Variants in C1QTNF5 observed in about 807,000 individuals in gnomAD.
The protein encoded by C1QTNF5 is C1q and TNF related 5.
In C1QTNF5, 5 loss-of-function variants were observed where a neutral mutation model predicts 10.9. The ratio of observed to expected loss-of-function variants is 0.46; its 90% confidence interval spans 0.24 to 0.97. C1QTNF5 has a LOEUF of 0.97. C1QTNF5 is among the 50% of genes least tolerant of loss of function. The probability of loss-of-function intolerance (pLI) is 0.19; values close to 1 mark genes in which losing one functional copy is unlikely to be tolerated. For missense variants in C1QTNF5, 281 were observed against 339.4 expected (o/e 0.83, Z 1.35); for synonymous variants, 161 against 156.5 (o/e 1.03, Z -0.22).
chr11:119,344,214 A>G, upstream of C1QTNF5: 1 of 1,178,314 alleles, frequency 8.5e-7, no homozygotes, highest in Non-Finnish European at 1.3e-6. Context: ...GACCTTCCCA[A>G]GTAGAAGGTA....
At chr11:119,342,486 T>G, upstream of C1QTNF5, 14 of 1,435,996 alleles carry the variant, frequency 9.7e-6, no homozygotes, top group South Asian at 1.6e-4. Flanking sequence ...TGAGGCCAGC[T>G]GGCCCCGCCC....
At chr11:119,343,125 C>T (rs2135369719), upstream of C1QTNF5, 5 of 1,258,882 alleles carry the variant, frequency 4.0e-6, no homozygotes, top group South Asian at 5.2e-5. Flanking sequence ...ATGGAAGACA[C>T]AGGGTTAGGG....
At chr11:119,345,577 C>G (rs1950555571), upstream of C1QTNF5, 2 of 1,613,766 alleles carry the variant, frequency 1.2e-6, no homozygotes, top group Non-Finnish European at 8.5e-7. Flanking sequence ...GGGTAAGGGT[C>G]TGGGTAGTTA....
At chr11:119,346,447 A>G in the C1QTNF5 span, 3 of 1,613,948 alleles carry the variant, frequency 1.9e-6, no homozygotes, top group South Asian at 1.1e-5. Context: ...GCACGATTCT[A>G]TGTGGTCCTT....
upstream of C1QTNF5, chr11:119,342,682 T>G (rs1950514605): frequency 6.2e-7 from 1 of 1,613,642 alleles, no homozygotes; most frequent in Non-Finnish European, 8.5e-7. Context: ...CTGCACACCC[T>G]TACACCCTCC....
upstream of C1QTNF5, chr11:119,341,980 C>T (rs1950507527): frequency 6.2e-7 from 1 of 1,613,628 alleles, no homozygotes; most frequent in Admixed American, 1.7e-5. Context: ...GCTCACAGGC[C>T]AGCTCTGCAG....
At chr11:119,343,774 G>A (rs1404422341), upstream of C1QTNF5, 3 of 1,612,862 alleles carry the variant, frequency 1.9e-6, no homozygotes, top group Non-Finnish European at 2.5e-6. Flanking sequence ...GTGGCAGACA[G>A]TGAGGATGGA....
chr11:119,343,387 T>A (rs1279199162), upstream of C1QTNF5, among the ~76,000 whole-genome samples: 1 of 152,210 alleles, frequency 6.6e-6, no homozygotes, highest in Non-Finnish European at 1.5e-5. Flanking sequence ...CGTGGTGGCA[T>A]GTGCCTGTGA....
chr11:119,346,015 C>A, the C1QTNF5 span: 3 of 1,612,886 alleles, frequency 1.9e-6, no homozygotes, highest in Admixed American at 3.3e-5. Context: ...CATTCCAAAG[C>A]CCTCGTTTCA....
chr11:119,339,341 A>G lies in C1QTNF5; in HGVS notation c.722T>C (p.Val241Ala), dbSNP rs1385544392. The G allele has an allele frequency of 6.2e-7, 1 of 1,612,846 alleles. No individual in the cohort carries two copies. ...LVYSDWHSSP[V>A]FA ...ACTTTGCAGTGGGCACTAAGCAAAGACTGGGGAGCTGTGCCAGTCGGAGTA... is the reference window on the plus strand; with the variant it reads ...ACTTTGCAGTGGGCACTAAGCAAAGGCTGGGGAGCTGTGCCAGTCGGAGTA... The change falls in exon 3 of 3, where the codon GTC (valine) becomes GCC (alanine). Residue 241 changes from valine to alanine, a missense_variant. Physicochemically the swap from Val to Ala is moderately conservative, Grantham distance 64 (BLOSUM62 0). Transcript: ENST00000528368. This position sits in a 1 kb window ranked among gnomAD's most constrained non-coding sequence, Gnocchi z 5.4.
chr11:119,343,705 G>A (rs558132871), upstream of C1QTNF5: 211 of 1,375,360 alleles, frequency 1.5e-4, no homozygotes, highest in African/African-American at 2.0e-3. Flanking sequence ...CCGGCCTGGA[G>A]TAGCAGAAGA....
upstream of C1QTNF5, chr11:119,344,493 G>T: frequency 2.6e-6 from 4 of 1,568,562 alleles, no homozygotes; most frequent in Non-Finnish European, 2.6e-6. Context: ...ATGCCCATGG[G>T]AAACAAGTTC....
At chr11:119,345,936 C>T (rs1292498545), upstream of C1QTNF5, 17 of 1,613,644 alleles carry the variant, frequency 1.1e-5, no homozygotes, top group East Asian at 2.2e-5. Context: ...GCTCTGGAGG[C>T]GAGAAGATGG....
chr11:119,343,891 G>A (rs1330332243), upstream of C1QTNF5: 1 of 1,613,922 alleles, frequency 6.2e-7, no homozygotes, highest in Admixed American at 1.7e-5. Flanking sequence ...CTCGTCCTGA[G>A]CCTCCAGGCT....
intron 2 of C1QTNF5, among the ~76,000 whole-genome samples, 165 bp from the exon 3 acceptor site, chr11:119,340,013 G>A (rs1410935702): frequency 6.6e-6 from 1 of 152,196 alleles, no homozygotes; most frequent in Non-Finnish European, 1.5e-5. Context: ...GCAGATCTGG[G>A]GGGCTGGCCA....
At position 119,339,845 on chromosome 11, in the gene C1QTNF5, A is replaced by T; in HGVS notation, c.218T>A (p.Leu73Gln). The T allele has an allele frequency of 4.0e-6, 6 of 1,482,244 alleles. No homozygotes were observed. Among genetic ancestry groups the T allele is most frequent in the Non-Finnish European group, 4.4e-6 (5 of 1,124,198 alleles). 91.8% of individuals were successfully genotyped at this position (1,482,244 alleles called of 1,614,324 possible). A position where few individuals can be genotyped will look rare whatever the true frequency, so the allele number is the denominator to read the frequency against. ...GEKGEGGRPG[L>Q]PGPRGDPGPR... ...CCCGGGGTCCCCTCGAGGTCCCGGCAGTCCTGCGGGGTAAGCGGGGCGGCA... is the reference window on the plus strand; with the variant it reads ...CCCGGGGTCCCCTCGAGGTCCCGGCTGTCCTGCGGGGTAAGCGGGGCGGCA... Residue 73 changes from leucine (L) to glutamine (Q), a missense_variant, in exon 3 of 3, where the codon CTG (leucine) becomes CAG (glutamine). Leu to Gln is a moderately radical substitution (Grantham distance 113). Coordinates refer to ENST00000528368, the MANE Select transcript of C1QTNF5 (RefSeq NM_001278431.2). The surrounding 1 kb of genome is among the most constrained non-coding windows in gnomAD (Gnocchi z 5.4).
chr11:119,340,186 G>T lies in C1QTNF5; in HGVS notation c.212C>A (p.Pro71Gln), dbSNP rs554735772. The T allele has an allele frequency of 3.4e-5, 52 of 1,514,156 alleles. No individual in the cohort carries two copies. The Middle Eastern group carries it at 7.0e-4, about 20-fold the overall frequency. The allele number at this position is 1,514,156 out of a possible 1,614,324, so 93.8% of individuals were successfully genotyped here. Residue 71 changes from proline (P) to glutamine (Q), a missense_variant and splice_region_variant, in exon 2 of 3, where the codon CCG becomes CAG. Pro to Gln is a moderately conservative substitution (Grantham distance 76). Transcript: ENST00000528368. ...APGEKGEGGR[P>Q]GLPGPRGDPG... ...TAGCCGCGGCGGTGCCTTCTTACCC[G>T]GCCTCCCGCCCTCGCCTTTCTCTCC...
chr11:119,342,869 C>G (rs1565293337), upstream of C1QTNF5: 10 of 1,613,118 alleles, frequency 6.2e-6, no homozygotes, highest in Non-Finnish European at 8.5e-6. Context: ...CCAGGGGCAC[C>G]TACTCTCCGT....
chr11:119,339,832 T>C lies in C1QTNF5; in HGVS notation c.231A>G (p.Arg77=), dbSNP rs1950481651. The C allele has an allele frequency of 6.6e-7, 1 of 1,505,990 alleles. No homozygotes were observed. Among genetic ancestry groups the C allele is most frequent in the Admixed American group, 2.1e-5 (1 of 46,694 alleles). The allele number at this position is 1,505,990 out of a possible 1,614,324, so 93.3% of individuals were successfully genotyped here. A position where few individuals can be genotyped will look rare whatever the true frequency, so the allele number is the denominator to read the frequency against. ...CCTCTCCTCGCGGCCCGGGGTCCCC[T>C]CGAGGTCCCGGCAGTCCTGCGGGGT... The part of the protein sequence containing the change: ...EGGRPGLPGP[R]GDPGPRGEAG... Residue 77 remains arginine (R), a synonymous_variant, in exon 3 of 3, where the codon CGA becomes CGG. Transcript: ENST00000528368. The surrounding 1 kb of genome is among the most constrained non-coding windows in gnomAD (Gnocchi z 5.4).
Sources: gnomAD v4.1 joint callset for allele counts (sites outside exome capture counted in the v4.1 genomes callset) on GRCh38, gnomAD v4.1.1 for gene constraint, Gnocchi (gnomAD v3.1) non-coding constraint, MANE v1.5 for transcripts, NCBI Gene and HGNC (gene_info 2026-07-23, HGNC 2026-07-21) for gene names.